Variants in EVC observed in about 807,000 individuals in gnomAD.
The protein encoded by EVC is EvC ciliary complex subunit 1, also known as evC complex member EVC.
EVC carries 116 observed loss-of-function variants against 118.9 expected under a neutral mutation model. That is an observed-to-expected ratio of 0.98 (90% CI 0.84 to 1.14). The LOEUF is 1.14. EVC is among the 50% of genes most tolerant of loss of function. The probability of loss-of-function intolerance (pLI) is 0.00; values close to 1 mark genes in which losing one functional copy is unlikely to be tolerated. For missense variants in EVC, 1,401 were observed against 1,246.4 expected (o/e 1.12, Z -1.87); for synonymous variants, 619 against 534.7 (o/e 1.16, Z -2.18).
the EVC span, among the ~76,000 whole-genome samples, chr4:5,823,452 A>G: frequency 6.6e-6 from 1 of 152,176 alleles, no homozygotes; most frequent in East Asian, 1.9e-4. Flanking sequence ...GGAAAAAAGG[A>G]CACTAATATG....
intron 1 of EVC, among the ~76,000 whole-genome samples, chr4:5,715,644 T>A (rs1187194306): frequency 6.6e-6 from 1 of 152,138 alleles, no homozygotes; most frequent in South Asian, 2.1e-4. Flanking sequence ...CTTCTATGTC[T>A]GAAAATATAT....
At chr4:5,824,653 ATAACATCCTAGATGT>A in the EVC span, 1 of 935,644 alleles carries the variant, frequency 1.1e-6, no homozygotes, top group African/African-American at 2.2e-5. Context: ...GCTATTGAAT[ATAACATCCTAGATGT>A]TGACATCCTA....
intron 1 of EVC, among the ~76,000 whole-genome samples, chr4:5,711,918 A>G (rs939875487): frequency 6.6e-6 from 1 of 152,166 alleles, no homozygotes; most frequent in Admixed American, 6.5e-5. Context: ...CTGAATGCCT[A>G]TTCCTGCTTC....
chr4:5,783,416 G>A (rs1300223926), intron 11 of EVC, 136 bp from the exon 12 acceptor site: 12 of 816,036 alleles, frequency 1.5e-5, no homozygotes, highest in South Asian at 5.6e-5. Context: ...GCTTGCATAC[G>A]TGTGACTTGA....
intron 11 of EVC, among the ~76,000 whole-genome samples, chr4:5,766,227 T>G (rs1427054418): frequency 1.3e-5 from 2 of 151,784 alleles, no homozygotes. Flanking sequence ...TGTTGGATAT[T>G]GGCCCCCACT....
chr4:5,767,739 A>G (rs200940233), intron 11 of EVC, among the ~76,000 whole-genome samples: 39,828 of 152,012 alleles, frequency 0.26, 5,409 homozygotes, highest in East Asian at 0.32. Flanking sequence ...AAGTGAGGCA[A>G]TGCCTCGCCC....
intron 11 of EVC, among the ~76,000 whole-genome samples, chr4:5,771,546 C>A (rs190830473): frequency 2.0e-5 from 3 of 152,292 alleles, no homozygotes; most frequent in Non-Finnish European, 2.9e-5. Flanking sequence ...ACGTGGACAT[C>A]TTTAGGGAGA....
intron 1 of EVC, among the ~76,000 whole-genome samples, chr4:5,718,716 T>G (rs970513238): frequency 6.6e-6 from 1 of 152,200 alleles, no homozygotes. Flanking sequence ...AAATAAATAT[T>G]AGCAAGTACA....
At chr4:5,816,995 C>T (rs1202756299), downstream of EVC, among the ~76,000 whole-genome samples, 3 of 152,182 alleles carry the variant, frequency 2.0e-5, no homozygotes, top group Admixed American at 1.3e-4. Flanking sequence ...TAGCTGCCTC[C>T]GTCATGCTCT....
In EVC at chr4:5,731,677, G is replaced by T. The variant is rs766787721; in HGVS notation, c.617+20G>T. ...CGAGAGGTAAGGAGAGCGGGCAATG[G>T]AGGATGAGGCTTCCAGTCCTCTTGG... is the stretch of plus-strand genomic sequence containing the variant. On this transcript the variant is annotated intron_variant, in intron 4 of 20. Coordinates refer to ENST00000264956, the MANE Select transcript of EVC (RefSeq NM_153717.3). The surrounding 1 kb of genome is among the most constrained non-coding windows in gnomAD (Gnocchi z 5.6). 3.1e-6 allele frequency: 5 copies of T among 1,605,066 alleles called. No homozygotes were observed. The highest frequency in any genetic ancestry group is 4.3e-6 in the Non-Finnish European group (5 of 1,173,836).
At position 5,811,410 on chromosome 4, in the gene EVC, G is replaced by T; in HGVS notation, c.*373G>T. The T allele has an allele frequency of 3.1e-6, 1 of 317,620 alleles. No homozygotes were observed. The highest frequency in any genetic ancestry group is 3.0e-5 in the South Asian group (1 of 33,040). 19.7% of individuals were successfully genotyped at this position (317,620 alleles called of 1,614,324 possible). ...CCAAAGGCCTGTCTGGGCCCATCTG[G>T]GGCTGAGGACACACAGATACATAAT... On this transcript the variant is annotated 3_prime_UTR_variant, in exon 21 of 21. Coordinates refer to ENST00000264956, the MANE Select transcript of EVC (RefSeq NM_153717.3).
At chr4:5,797,917 T>A (rs1714273296) in intron 14 of EVC, among the ~76,000 whole-genome samples, 2 of 152,106 alleles carry the variant, frequency 1.3e-5, no homozygotes, top group African/African-American at 2.4e-5. Flanking sequence ...AAAGAAATAA[T>A]TAGTAAGTTG....
At chr4:5,714,140 A>G (rs1577308157) in intron 1 of EVC, among the ~76,000 whole-genome samples, 1 of 152,186 alleles carries the variant, frequency 6.6e-6, no homozygotes, top group African/African-American at 2.4e-5. Context: ...CTCAGGACCC[A>G]GAGAGATCAC....
intron 5 of EVC, 58 bp from the exon 6 acceptor site, chr4:5,741,658 A>G: frequency 9.6e-7 from 1 of 1,046,824 alleles, no homozygotes; most frequent in Admixed American, 1.8e-5. Flanking sequence ...AGAAAGCAAA[A>G]GACAAAAATA....
At chr4:5,825,228 A>C in the EVC span, 1 of 985,198 alleles carries the variant, frequency 1.0e-6, no homozygotes, top group Non-Finnish European at 1.2e-6. The surrounding 1 kb of genome is among the most constrained non-coding windows in gnomAD (Gnocchi z 4.4). Context: ...TGTAAGGATG[A>C]GCACTGGGAC....
At chr4:5,771,301 A>G (rs1432674768) in intron 11 of EVC, among the ~76,000 whole-genome samples, 2 of 152,120 alleles carry the variant, frequency 1.3e-5, no homozygotes, top group Admixed American at 6.5e-5. Context: ...TCCTTGGCTC[A>G]GGGCCCTTTC....
At chr4:5,821,602 A>G in the EVC span, 1 of 704,870 alleles carries the variant, frequency 1.4e-6, no homozygotes, top group African/African-American at 1.8e-5. The surrounding 1 kb of genome is among the most constrained non-coding windows in gnomAD (Gnocchi z 4.4). Context: ...CCACACTAGT[A>G]CCACTTCTTC....
chr4:5,740,084 A>T (rs906999189), intron 5 of EVC, among the ~76,000 whole-genome samples: 1 of 152,210 alleles, frequency 6.6e-6, no homozygotes, highest in East Asian at 1.9e-4. Context: ...TAACAACGAC[A>T]AAAGAACCTC....
chr4:5,805,128 C>T (rs1305335419), intron 17 of EVC, among the ~76,000 whole-genome samples: 3 of 152,142 alleles, frequency 2.0e-5, no homozygotes, highest in Non-Finnish European at 2.9e-5. Context: ...TTTAGACACG[C>T]GCCTACCCTC....
Sources: gnomAD v4.1 joint callset for allele counts (sites outside exome capture counted in the v4.1 genomes callset) on GRCh38, gnomAD v4.1.1 for gene constraint, Gnocchi (gnomAD v3.1) non-coding constraint, MANE v1.5 for transcripts, NCBI Gene and HGNC (gene_info 2026-07-23, HGNC 2026-07-21) for gene names.